Variants in ACTN2 observed in about 807,000 individuals in gnomAD.
ACTN2 encodes the protein actinin alpha 2.
ACTN2 carries 39 observed loss-of-function variants against 113.8 expected under a neutral mutation model. That is an observed-to-expected ratio of 0.34 (90% CI 0.27 to 0.45). The LOEUF is 0.45. ACTN2 is among the 20% of genes least tolerant of loss of function. The pLI, the probability that ACTN2 is intolerant of heterozygous loss-of-function variation, is 1.00. For missense variants in ACTN2, 992 were observed against 1,177.9 expected (o/e 0.84, Z 2.31); for synonymous variants, 429 against 444.1 (o/e 0.97, Z 0.43).
chr1:236,709,838 C>T (rs577052256), intron 1 of ACTN2, among the ~76,000 whole-genome samples: 3 of 152,182 alleles, frequency 2.0e-5, no homozygotes, highest in Non-Finnish European at 4.4e-5. Context: ...GAAAGCCCTA[C>T]GTCTGGGATG....
At chr1:236,686,844 C>G (rs1411787841) in intron 1 of ACTN2, 45 bp downstream of exon 1, 4 of 1,363,924 alleles carry the variant, frequency 2.9e-6, no homozygotes, top group Non-Finnish European at 3.8e-6. Context: ...GGGGCCGGGT[C>G]CCCCGCGGGG....
chr1:236,750,157 T>C (rs562882470), intron 14 of ACTN2, among the ~76,000 whole-genome samples: 1 of 152,232 alleles, frequency 6.6e-6, no homozygotes, highest in East Asian at 1.9e-4. Flanking sequence ...ATTTAGAGAA[T>C]TTGTACAGTG....
At chr1:236,732,717 A>G (rs186626456) in intron 7 of ACTN2, among the ~76,000 whole-genome samples, 29 of 152,330 alleles carry the variant, frequency 1.9e-4, no homozygotes, top group Admixed American at 1.6e-3. Context: ...TGCACGGATT[A>G]CAGACATAAG....
At chr1:236,747,951 G>A (rs1311512705) in intron 13 of ACTN2, 176 bp downstream of exon 13, 1 of 627,496 alleles carries the variant, frequency 1.6e-6, no homozygotes, top group African/African-American at 1.9e-5. Context: ...TGGGAGCTTT[G>A]TGCTGTAATT....
chr1:236,700,615 G>A (rs2102869442), intron 1 of ACTN2, among the ~76,000 whole-genome samples: 1 of 152,258 alleles, frequency 6.6e-6, no homozygotes. Flanking sequence ...ACTGACCATT[G>A]CTGTTACTGC....
At position 236,755,034 on chromosome 1, in the gene ACTN2, T is replaced by C; in HGVS notation, c.1990T>C (p.Ser664Pro). ...QNKMEEIARS[S>P]IQITGALEDQ... Reference sequence around the variant, plus strand: ...CCCCCCTCAGGAGATTGCCCGGAGCTCCATCCAGATCACAGGAGCCCTGGA... The same window carrying C: ...CCCCCCTCAGGAGATTGCCCGGAGCCCCATCCAGATCACAGGAGCCCTGGA... The change falls in exon 17 of 21, where the codon TCC becomes CCC. Residue 664 changes from serine to proline, a missense_variant. This residue lies in a region of ACTN2 where 736 missense variants were observed against 815.4 expected (regional missense o/e 0.90). Coordinates refer to ENST00000366578, the MANE Select transcript of ACTN2 (RefSeq NM_001103.4). 1 of 1,614,156 alleles carries C rather than the reference T, an allele frequency of 6.2e-7. No homozygotes were observed. Among genetic ancestry groups the C allele is most frequent in the Non-Finnish European group, 8.5e-7 (1 of 1,180,034 alleles).
At position 236,751,322 on chromosome 1, in the gene ACTN2, A is replaced by G. The variant is rs1659388092; in HGVS notation, c.1657-148A>G. ...GAACTTGACTTCTGTGTACCTAAAG[A>G]GTTTTTTCTAAAGCATTCAGAATGT... On this transcript the variant is annotated intron_variant, in intron 14 of 20. Coordinates refer to ENST00000366578, the MANE Select transcript of ACTN2 (RefSeq NM_001103.4). 7.4e-6 allele frequency: 7 copies of G among 952,168 alleles called. No homozygotes were observed. The East Asian group carries it at 1.6e-4, about 22-fold the overall frequency. 59.0% of individuals were successfully genotyped at this position (952,168 alleles called of 1,614,324 possible). A position where few individuals can be genotyped will look rare whatever the true frequency, so the allele number is the denominator to read the frequency against.
At chr1:236,757,714 A>G (rs1659591310) in intron 18 of ACTN2, 82 bp downstream of exon 18, 2 of 1,562,160 alleles carry the variant, frequency 1.3e-6, no homozygotes, top group South Asian at 1.1e-5. Flanking sequence ...TCTCGTTTTA[A>G]GTCTTAAGGC....
At chr1:236,724,788 C>T (rs707208) in intron 4 of ACTN2, among the ~76,000 whole-genome samples, 150,187 of 151,348 alleles carry the variant, frequency 0.99, 74,524 homozygotes, top group Middle Eastern at 1. Context: ...AGCCGTGGGA[C>T]GTCTGAGCGG....
At chr1:236,734,598 T>G in intron 7 of ACTN2, 3 of 1,026,556 alleles carry the variant, frequency 2.9e-6, no homozygotes, top group South Asian at 1.6e-5. Context: ...TCCTCTTTTT[T>G]CCCCCCTCTC....
At chr1:236,757,732 C>T (rs868804858) in intron 18 of ACTN2, 100 bp downstream of exon 18, 5 of 1,472,202 alleles carry the variant, frequency 3.4e-6, no homozygotes, top group Non-Finnish European at 4.7e-6. Context: ...GGCTCCACAA[C>T]ATTTACAGGG....
intron 11 of ACTN2, among the ~76,000 whole-genome samples, chr1:236,744,011 A>G (rs1404132955): frequency 6.6e-6 from 1 of 152,224 alleles, no homozygotes; most frequent in Non-Finnish European, 1.5e-5. Flanking sequence ...AATTTCATAG[A>G]ATTCTTAAAG....
intron 10 of ACTN2, among the ~76,000 whole-genome samples, chr1:236,742,569 G>A (rs1205057310): frequency 6.6e-6 from 1 of 152,152 alleles, no homozygotes; most frequent in Non-Finnish European, 1.5e-5. Context: ...TAATAAAAGG[G>A]TTGTTTTGAA....
chr1:236,757,387 G>C, intron 17 of ACTN2, 99 bp from the exon 18 acceptor site: 1 of 1,479,804 alleles, frequency 6.8e-7, no homozygotes, highest in East Asian at 2.3e-5. Context: ...GCCCTGCTTA[G>C]TAAGCCCTTT....
At chr1:236,728,048 C>G (rs2102906977) in intron 6 of ACTN2, among the ~76,000 whole-genome samples, 2 of 151,668 alleles carry the variant, frequency 1.3e-5, no homozygotes, top group East Asian at 3.9e-4. Flanking sequence ...TGAAGGCTTT[C>G]TATATGTTCC....
rs1489457893 is a variant in ACTN2, at chr1:236,690,927, CG to C, written c.126+4131del. Reference sequence around the variant, plus strand: ...AACTAGCTTCCCATTCCCCCCTCCTCGGGTGTACTTTTTTTTTTTTTTTTTT... The same window carrying C: ...AACTAGCTTCCCATTCCCCCCTCCTCGGTGTACTTTTTTTTTTTTTTTTTT... On this transcript the variant is annotated intron_variant, in intron 1 of 20. Coordinates refer to ENST00000366578, the MANE Select transcript of ACTN2 (RefSeq NM_001103.4). Among the ~76,000 whole-genome samples, 3 of 145,926 alleles carry C rather than the reference CG, an allele frequency of 2.1e-5. No homozygotes were observed. In the South Asian group the frequency reaches 6.6e-4, roughly 32 times the overall value.
chr1:236,717,119 A>C (rs2102892230), intron 1 of ACTN2, among the ~76,000 whole-genome samples: 1 of 151,672 alleles, frequency 6.6e-6, no homozygotes, highest in African/African-American at 2.4e-5. Context: ...TACAGGTGTG[A>C]GTCATCACAC....
At chr1:236,717,328 T>C (rs1286551849) in intron 1 of ACTN2, among the ~76,000 whole-genome samples, 1 of 152,030 alleles carries the variant, frequency 6.6e-6, no homozygotes, top group South Asian at 2.1e-4. Flanking sequence ...TCCCAGCTAC[T>C]TAGGGGGCTG....
chr1:236,694,926 T>A (rs1657439408), intron 1 of ACTN2, among the ~76,000 whole-genome samples: 1 of 151,686 alleles, frequency 6.6e-6, no homozygotes, highest in African/African-American at 2.4e-5. Flanking sequence ...AATTAGCCGG[T>A]ATGGTGGCGT....
Sources: gnomAD v4.1 joint callset for allele counts (sites outside exome capture counted in the v4.1 genomes callset) on GRCh38, gnomAD v4.1.1 for gene constraint, gnomAD v4.1.1 regional missense constraint, MANE v1.5 for transcripts, NCBI Gene and HGNC (gene_info 2026-07-23, HGNC 2026-07-21) for gene names.